Variants in ADGRB3 observed in about 807,000 individuals in gnomAD.
The protein encoded by ADGRB3 is adhesion G protein-coupled receptor B3, also known as brain-specific angiogenesis inhibitor 3.
In ADGRB3, 37 loss-of-function variants were observed where a neutral mutation model predicts 193.4. That is an observed-to-expected ratio of 0.19 (90% CI 0.15 to 0.25). The LOEUF (loss-of-function observed/expected upper bound fraction) is 0.25. Among genes scored for constraint, ADGRB3 ranks in the 10% least tolerant of loss-of-function variants. The pLI is 1.00. For synonymous variants in ADGRB3, 690 were observed against 644.2 expected (o/e 1.07, Z -1.08); for missense variants, 1,637 against 1,852.9 (o/e 0.88, Z 2.14).
chr6:68,980,393 G>C (rs1048637686), intron 10 of ADGRB3, among the ~76,000 whole-genome samples: 1 of 151,444 alleles, frequency 6.6e-6, no homozygotes. Flanking sequence ...GAGACAAAGA[G>C]AAAGAGACAG....
chr6:68,721,827 A>G (rs966164802), intron 3 of ADGRB3, among the ~76,000 whole-genome samples: 1 of 151,050 alleles, frequency 6.6e-6, no homozygotes, highest in Non-Finnish European at 1.5e-5. Context: ...TTCTTTCCCA[A>G]TATAAAGATT....
chr6:68,636,449 TAAA>T (rs1767955119), intron 1 of ADGRB3, among the ~76,000 whole-genome samples: 1 of 100,678 alleles, frequency 9.9e-6, no homozygotes, highest in African/African-American at 3.3e-5. Flanking sequence ...AAGAGATAAA[TAAA>T]TAAATAAATA....
chr6:68,982,464 T>C (rs1167686208), intron 10 of ADGRB3, among the ~76,000 whole-genome samples: 1 of 152,170 alleles, frequency 6.6e-6, no homozygotes, highest in Non-Finnish European at 1.5e-5. Flanking sequence ...TTGTAGAGCC[T>C]ATATGTGCCC....
At chr6:68,716,337 G>C (rs1765489092) in intron 3 of ADGRB3, among the ~76,000 whole-genome samples, 1 of 151,630 alleles carries the variant, frequency 6.6e-6, no homozygotes, top group East Asian at 1.9e-4. Context: ...TAATTGGAAA[G>C]ATTGAATTGT....
intron 11 of ADGRB3, among the ~76,000 whole-genome samples, chr6:69,003,712 T>G (rs1562117948): frequency 6.6e-6 from 1 of 152,118 alleles, no homozygotes; most frequent in Non-Finnish European, 1.5e-5. Flanking sequence ...CAATAAGAAA[T>G]TTAATGGCAA....
chr6:69,106,164 TAAAAA>T (rs61114782), intron 17 of ADGRB3, among the ~76,000 whole-genome samples: 2 of 91,090 alleles, frequency 2.2e-5, no homozygotes, highest in South Asian at 4.9e-4. Context: ...GAGACTGCGT[TAAAAA>T]AAAAAAAAAA....
At chr6:68,724,070 G>T (rs1282942454) in intron 3 of ADGRB3, among the ~76,000 whole-genome samples, 4 of 151,178 alleles carry the variant, frequency 2.6e-5, no homozygotes, top group Non-Finnish European at 5.9e-5. Flanking sequence ...TGACCGCAGG[G>T]TCTCTAATAA....
At chr6:68,722,190 T>G (rs1382782636) in intron 3 of ADGRB3, among the ~76,000 whole-genome samples, 1 of 151,772 alleles carries the variant, frequency 6.6e-6, no homozygotes, top group East Asian at 1.9e-4. Flanking sequence ...ATTGATCTTG[T>G]GGTGTTTGGT....
intron 3 of ADGRB3, among the ~76,000 whole-genome samples, chr6:68,867,165 C>A (rs1040339047): frequency 6.6e-6 from 1 of 152,078 alleles, no homozygotes; most frequent in African/African-American, 2.4e-5. Context: ...GACCTGGAGG[C>A]CTAGGAAGGA....
At chr6:69,037,049 G>C (rs1562131437) in intron 13 of ADGRB3, among the ~76,000 whole-genome samples, 1 of 152,084 alleles carries the variant, frequency 6.6e-6, no homozygotes, top group Non-Finnish European at 1.5e-5. Flanking sequence ...ATGGTATGGA[G>C]ACAGAGGGAA....
intron 20 of ADGRB3, among the ~76,000 whole-genome samples, chr6:69,319,406 A>G (rs1028068573): frequency 6.6e-6 from 1 of 151,314 alleles, no homozygotes; most frequent in South Asian, 2.1e-4. Flanking sequence ...TATATTAAAA[A>G]TCTAGACATG....
At chr6:69,118,488 C>T (rs1773595019) in intron 17 of ADGRB3, among the ~76,000 whole-genome samples, 1 of 152,096 alleles carries the variant, frequency 6.6e-6, no homozygotes, top group East Asian at 1.9e-4. Flanking sequence ...ATGTCTGTCA[C>T]CCATCTTCTC....
At chr6:68,676,687 C>T (rs934010930) in intron 3 of ADGRB3, among the ~76,000 whole-genome samples, 2 of 152,110 alleles carry the variant, frequency 1.3e-5, no homozygotes, top group Non-Finnish European at 2.9e-5. Flanking sequence ...AGGACAGGGA[C>T]AGTATATTTT....
At chr6:69,186,304 G>C (rs1644170246) in intron 17 of ADGRB3, among the ~76,000 whole-genome samples, 1 of 151,902 alleles carries the variant, frequency 6.6e-6, no homozygotes, top group African/African-American at 2.4e-5. Context: ...TATTTTAAGA[G>C]TAATAGATCT....
In ADGRB3 at chr6:68,959,283, A is replaced by G. The variant is rs80076612; in HGVS notation, c.1525+2474A>G. Among the ~76,000 whole-genome samples the G allele has an allele frequency of 5.9e-3, 892 of 152,306 alleles. 9 individuals are homozygous for G. The highest frequency in any genetic ancestry group is 0.02 in the African/African-American group (836 of 41,578). On this transcript the variant is annotated intron_variant, in intron 8 of 31. Transcript: ENST00000370598. ...ATTGCTTCAAATTTACACACTGACAATATAAATTGAGAAAACTTTCAAATT... is the reference window on the plus strand; with the variant it reads ...ATTGCTTCAAATTTACACACTGACAGTATAAATTGAGAAAACTTTCAAATT...
chr6:69,202,839 A>C (rs1765457289), intron 17 of ADGRB3, among the ~76,000 whole-genome samples: 1 of 152,104 alleles, frequency 6.6e-6, no homozygotes, highest in Non-Finnish European at 1.5e-5. Context: ...AAAAGTGATA[A>C]ATTCCACAGA....
At chr6:69,176,770 C>T (rs779719887) in intron 17 of ADGRB3, among the ~76,000 whole-genome samples, 7 of 152,104 alleles carry the variant, frequency 4.6e-5, no homozygotes, top group South Asian at 2.1e-4. Context: ...TTTTTCATCA[C>T]GTTAGTTAAG....
At chr6:68,951,675 C>T (rs954874386) in intron 6 of ADGRB3, among the ~76,000 whole-genome samples, 1 of 152,120 alleles carries the variant, frequency 6.6e-6, no homozygotes, top group Non-Finnish European at 1.5e-5. Flanking sequence ...TGACAGAATG[C>T]TGAGATGTGA....
chr6:69,377,132 G>A (rs992269398), intron 30 of ADGRB3, among the ~76,000 whole-genome samples: 25 of 152,108 alleles, frequency 1.6e-4, no homozygotes, highest in African/African-American at 5.1e-4. Context: ...CCTGTAGTGT[G>A]CATTGCTTCC....
Sources: gnomAD v4.1 joint callset for allele counts (sites outside exome capture counted in the v4.1 genomes callset) on GRCh38, gnomAD v4.1.1 for gene constraint, MANE v1.5 for transcripts, NCBI Gene and HGNC (gene_info 2026-07-23, HGNC 2026-07-21) for gene names.